The following GRIK2 variants were observed in gnomAD, a reference collection of about 807,000 sequenced individuals.
GRIK2 encodes glutamate ionotropic receptor kainate type subunit 2, also known as glutamate receptor ionotropic, kainate 2.
Under a neutral mutation model 100.3 loss-of-function variants are expected in GRIK2, and 32 were observed. The observed-to-expected ratio is 0.32, with a 90% CI of 0.24 to 0.43. GRIK2 has a LOEUF of 0.43. GRIK2 is among the 20% of genes least tolerant of loss of function. The probability of loss-of-function intolerance (pLI) is 1.00; values close to 1 mark genes in which losing one functional copy is unlikely to be tolerated. For missense variants in GRIK2, 843 were observed against 1,114.9 expected, an observed-to-expected ratio of 0.76 and a Z score of 3.47; for synonymous variants, 417 against 389.4, an observed-to-expected ratio of 1.07 and a Z score of -0.83.
intron 7 of GRIK2, among the ~76,000 whole-genome samples, chr6:101,774,829 C>A (rs1056788942): frequency 1.3e-5 from 2 of 151,488 alleles, no homozygotes; most frequent in Non-Finnish European, 2.9e-5. Context: ...ATAGGATTTT[C>A]TGCTTGCGGA....
chr6:101,959,497 A>G (rs1792150154), intron 14 of GRIK2, among the ~76,000 whole-genome samples: 1 of 152,098 alleles, frequency 6.6e-6, no homozygotes, highest in Non-Finnish European at 1.5e-5. Flanking sequence ...TCTAGCTAAC[A>G]ATCTATCAAT....
chr6:101,662,674 T>C (rs1467372514), intron 4 of GRIK2, among the ~76,000 whole-genome samples: 1 of 152,048 alleles, frequency 6.6e-6, no homozygotes, highest in African/African-American at 2.4e-5. Context: ...TTTCTATTTC[T>C]ACAGTAATCA....
intron 14 of GRIK2, among the ~76,000 whole-genome samples, chr6:101,930,520 C>T (rs1790201635): frequency 6.6e-6 from 1 of 151,974 alleles, no homozygotes; most frequent in Admixed American, 6.6e-5. Flanking sequence ...GTACCTAACA[C>T]AAAAATTTGA....
chr6:101,854,982 A>G (rs992966288), intron 10 of GRIK2, among the ~76,000 whole-genome samples: 2 of 152,186 alleles, frequency 1.3e-5, no homozygotes, highest in Admixed American at 6.5e-5. Flanking sequence ...AAGATTTTAT[A>G]TTTAACTTGA....
At chr6:102,049,574 A>G (rs1771067914) in intron 15 of GRIK2, among the ~76,000 whole-genome samples, 1 of 152,146 alleles carries the variant, frequency 6.6e-6, no homozygotes, top group Non-Finnish European at 1.5e-5. Context: ...GCTAATGTAT[A>G]ATGTGAATTT....
intron 4 of GRIK2, among the ~76,000 whole-genome samples, chr6:101,634,044 T>G (rs556140965): frequency 2.5e-4 from 38 of 152,110 alleles, no homozygotes; most frequent in Non-Finnish European, 4.7e-4. Flanking sequence ...ATGGCAAGAT[T>G]AGAACTATTT....
chr6:101,780,836 T>A (rs1438040614), intron 7 of GRIK2, among the ~76,000 whole-genome samples: 2 of 152,122 alleles, frequency 1.3e-5, no homozygotes, highest in Non-Finnish European at 2.9e-5. Flanking sequence ...ACTAGGGCCT[T>A]TGCCCTTTGA....
At chr6:102,035,197 A>G in intron 14 of GRIK2, 144 bp from the exon 15 acceptor site, 2 of 200,582 alleles carry the variant, frequency 1.0e-5, no homozygotes, top group Admixed American at 6.0e-5. Flanking sequence ...TTTTTGGTAT[A>G]TATATATATA....
intron 11 of GRIK2, among the ~76,000 whole-genome samples, chr6:101,887,466 T>G (rs1485199785): frequency 1.4e-5 from 2 of 139,794 alleles, no homozygotes; most frequent in Non-Finnish European, 3.1e-5. Context: ...TAGTCAACCC[T>G]CCAAACACAG....
At chr6:101,462,534 A>T (rs1019940229) in intron 2 of GRIK2, among the ~76,000 whole-genome samples, 2 of 152,092 alleles carry the variant, frequency 1.3e-5, no homozygotes, top group African/African-American at 4.8e-5. Context: ...ATAAAATGTT[A>T]TTTTTCTTAA....
In GRIK2 at chr6:101,561,406, A is replaced by C. The variant is rs143339888; in HGVS notation, c.116-60543A>C. ...AAGAGAGAAGGGGGGGATGAAAAGA[A>C]GTTGGTTAAGGGATATAAAAATACA... On this transcript the variant is annotated intron_variant, in intron 2 of 16. Coordinates refer to ENST00000369134, the MANE Select transcript of GRIK2 (RefSeq NM_021956.5). Among the ~76,000 whole-genome samples, 74 of 152,168 alleles carry C rather than the reference A, an allele frequency of 4.9e-4. 1 individual carries two copies. The highest frequency in any genetic ancestry group is 1.8e-3 in the African/African-American group (73 of 41,540).
intron 2 of GRIK2, among the ~76,000 whole-genome samples, chr6:101,561,016 G>T (rs1466501548): frequency 2.6e-5 from 4 of 152,282 alleles, no homozygotes; most frequent in African/African-American, 9.6e-5. Flanking sequence ...GAGGACCTCA[G>T]CTATGGGCCA....
At chr6:101,561,082 T>C (rs941673113) in intron 2 of GRIK2, among the ~76,000 whole-genome samples, 1 of 152,164 alleles carries the variant, frequency 6.6e-6, no homozygotes, top group Non-Finnish European at 1.5e-5. Context: ...CAGCAGCAGA[T>C]TTTTTCATAT....
At chr6:102,013,021 G>C (rs1396762767) in intron 14 of GRIK2, among the ~76,000 whole-genome samples, 2 of 152,006 alleles carry the variant, frequency 1.3e-5, no homozygotes, top group African/African-American at 2.4e-5. Flanking sequence ...AAATTGCTCT[G>C]GGCATTATAG....
chr6:101,540,209 T>C (rs1246335823), intron 2 of GRIK2, among the ~76,000 whole-genome samples: 1 of 151,916 alleles, frequency 6.6e-6, no homozygotes, highest in African/African-American at 2.4e-5. Context: ...CAATTTACTT[T>C]GGTGCATATA....
intron 14 of GRIK2, chr6:101,993,389 T>A (rs948727908): frequency 6.6e-6 from 1 of 151,532 alleles, no homozygotes; most frequent in African/African-American, 2.4e-5. Context: ...AGTGTTAAAG[T>A]TTTATTTTTC....
chr6:101,418,434 C>T (rs985055463), intron 2 of GRIK2, among the ~76,000 whole-genome samples: 3 of 152,056 alleles, frequency 2.0e-5, no homozygotes, highest in East Asian at 1.9e-4. Flanking sequence ...GTTTTTCTAT[C>T]GACATTTGTA....
intron 14 of GRIK2, among the ~76,000 whole-genome samples, chr6:101,989,566 C>T (rs1794241279): frequency 6.6e-6 from 1 of 151,324 alleles, no homozygotes; most frequent in South Asian, 2.1e-4. Context: ...AGTTAATTAG[C>T]TTGGGATTAG....
chr6:101,932,166 G>A (rs972712875), intron 14 of GRIK2, among the ~76,000 whole-genome samples: 7 of 151,922 alleles, frequency 4.6e-5, no homozygotes, highest in African/African-American at 1.4e-4. Flanking sequence ...CATGACTCAA[G>A]TTTTCCAGTT....
Sources: allele counts gnomAD v4.1 joint callset (sites outside exome capture counted in the v4.1 genomes callset), GRCh38; gene constraint gnomAD v4.1.1; transcripts MANE v1.5; gene names NCBI Gene and HGNC (gene_info 2026-07-23, HGNC 2026-07-21).